The following TNR variants were observed in gnomAD, a reference collection of about 807,000 sequenced individuals.
TNR encodes the protein tenascin R, also known as tenascin-R.
Under a neutral mutation model 150.4 loss-of-function variants are expected in TNR, and 45 were observed. The observed-to-expected ratio is 0.30, with a 90% CI of 0.24 to 0.38. TNR has a LOEUF of 0.38. Among genes scored for constraint, TNR ranks in the 10% least tolerant of loss-of-function variants. The pLI, the probability that TNR is intolerant of heterozygous loss-of-function variation, is 1.00. For synonymous variants in TNR, 687 were observed against 678.4 expected, an observed-to-expected ratio of 1.01 and a Z score of -0.20; for missense variants, 1,544 against 1,759.1, an observed-to-expected ratio of 0.88 and a Z score of 2.19.
Position 175,354,317 on chromosome 1 carries a change from C to T in TNR, c.3382+74G>A, listed in dbSNP as rs1651213966. The T allele has an allele frequency of 3.8e-6, 6 of 1,562,508 alleles. No homozygotes were observed. In the South Asian group the frequency reaches 7.1e-5, roughly 19 times the overall value. ...TTGATAAACTGCTCCCAGAGCAAGT[C>T]TCAGCAGAGGCTGCTGATGAGCCAA... On this transcript the variant is annotated intron_variant, in intron 18 of 22. Coordinates refer to ENST00000367674, the MANE Select transcript of TNR (RefSeq NM_003285.3).
At position 175,327,433 on chromosome 1, in the gene TNR, G is replaced by A. The variant is rs543019235; in HGVS notation, c.3793+2641C>T. ...AGGTCTGATGCAGCAGCCATCAGCC[G>A]CTCTATGTTCTTCGCTCGGACTTAC... is the stretch of plus-strand genomic sequence containing the variant. On this transcript the variant is annotated intron_variant, in intron 21 of 22. Coordinates refer to ENST00000367674, the MANE Select transcript of TNR (RefSeq NM_003285.3). Among the ~76,000 whole-genome samples, 89 of 152,250 alleles carry A rather than the reference G, an allele frequency of 5.8e-4. 1 individual carries two copies. The South Asian group carries it at 6.7e-3, about 11-fold the overall frequency.
chr1:175,386,229 G>C lies in TNR; in HGVS notation c.1580C>G (p.Pro527Arg). Reference protein sequence around the residue: ...DTVAFVEWIPPRAKVDFILLK... With the variant: ...DTVAFVEWIPRRAKVDFILLK... ...AAGAATGAAATCGACTTTGGCTCGA[G>C]GGGGAATCCACTCCACAAAAGCCAC... Residue 527 changes from proline (P) to arginine (R), a missense_variant, in exon 8 of 23, where the codon CCT (proline) becomes CGT (arginine). Transcript: ENST00000367674. The C allele has an allele frequency of 6.2e-7, 1 of 1,607,820 alleles. No homozygotes were observed. Among genetic ancestry groups the C allele is most frequent in the Non-Finnish European group, 8.5e-7 (1 of 1,174,950 alleles).
At position 175,324,473 on chromosome 1, in the gene TNR, A is replaced by G. The variant is rs373148368; in HGVS notation, c.3840T>C (p.Asp1280=). ...YHQGRPFSTE[D]RDNDVAVTNC... ...TAGTCACTGCAACATCATTGTCTCTATCCTCTGTGGAGAAAGGGCGTCCTT... is the reference window on the plus strand; with the variant it reads ...TAGTCACTGCAACATCATTGTCTCTGTCCTCTGTGGAGAAAGGGCGTCCTT... Residue 1280 remains aspartate, a synonymous_variant, in exon 22 of 23, where the codon GAT becomes GAC. Transcript: ENST00000367674. The G allele has an allele frequency of 9.3e-6, 15 of 1,613,946 alleles. No individual in the cohort carries two copies. Among genetic ancestry groups the G allele is most frequent in the Admixed American group, 1.7e-5 (1 of 59,992 alleles).
intron 1 of TNR, among the ~76,000 whole-genome samples, chr1:175,626,323 G>A (rs1664157267): frequency 6.6e-6 from 1 of 152,164 alleles, no homozygotes; most frequent in Non-Finnish European, 1.5e-5. Flanking sequence ...ATCGTGCAAA[G>A]GTCATTAAAA....
At position 175,564,902 on chromosome 1, in the gene TNR, T is replaced by G. The variant is rs567981886; in HGVS notation, c.-164-36533A>C. On this transcript the variant is annotated intron_variant, in intron 1 of 22. Coordinates refer to ENST00000367674, the MANE Select transcript of TNR (RefSeq NM_003285.3). ...TGGCTTCCCTCTTCAGCTTTCTACCTGCACCCTTGCCCTTTCCTTCACCAC... is the reference window on the plus strand; with the variant it reads ...TGGCTTCCCTCTTCAGCTTTCTACCGGCACCCTTGCCCTTTCCTTCACCAC... Among the ~76,000 whole-genome samples, 62 of 152,352 alleles carry G rather than the reference T, an allele frequency of 4.1e-4. No homozygotes were observed. In the South Asian group the frequency reaches 0.013, roughly 31 times the overall value.
At chr1:175,334,656 C>T (rs901978152) in intron 20 of TNR, among the ~76,000 whole-genome samples, 14 of 152,212 alleles carry the variant, frequency 9.2e-5, no homozygotes, top group South Asian at 4.1e-4. Context: ...ACTCAGGGCA[C>T]GAGGACCATT....
At chr1:175,691,526 C>T (rs1282200939) in intron 1 of TNR, among the ~76,000 whole-genome samples, 4 of 152,096 alleles carry the variant, frequency 2.6e-5, no homozygotes, top group Non-Finnish European at 5.9e-5. Context: ...TCTCTCTACC[C>T]ACTGTGTTCC....
intron 20 of TNR, among the ~76,000 whole-genome samples, chr1:175,334,626 C>T (rs777235773): frequency 9.2e-5 from 14 of 152,228 alleles, no homozygotes; most frequent in Non-Finnish European, 1.5e-4. Flanking sequence ...ACTGGGCCTG[C>T]AGCCCCCACC....
At chr1:175,479,129 G>A (rs150607008) in intron 2 of TNR, among the ~76,000 whole-genome samples, 158 of 152,204 alleles carry the variant, frequency 1.0e-3, no homozygotes, top group African/African-American at 3.6e-3. Flanking sequence ...GGTAGTGCTG[G>A]GATTCAAACC....
chr1:175,510,503 A>T (rs1659125978), intron 2 of TNR, among the ~76,000 whole-genome samples: 2 of 152,108 alleles, frequency 1.3e-5, no homozygotes, highest in South Asian at 4.1e-4. Context: ...CACCATCATT[A>T]TTGTTTCCTA....
At chr1:175,658,078 G>A (rs543496439) in intron 1 of TNR, among the ~76,000 whole-genome samples, 4 of 151,720 alleles carry the variant, frequency 2.6e-5, no homozygotes, top group Non-Finnish European at 4.4e-5. Context: ...AGCCCCAGGG[G>A]CCCTCAGCTC....
At chr1:175,435,380 G>A (rs1435854934) in intron 2 of TNR, among the ~76,000 whole-genome samples, 1 of 152,202 alleles carries the variant, frequency 6.6e-6, no homozygotes, top group East Asian at 1.9e-4. Context: ...ATTTTGGTCT[G>A]TGGAAATAGA....
rs150685789 is a variant in TNR, at chr1:175,718,228, T to A, written c.-165+24998A>T. 3.5e-3 allele frequency among the ~76,000 whole-genome samples: 538 copies of A among 152,216 alleles called. 8 individuals are homozygous for A. Among genetic ancestry groups the A allele is most frequent in the African/African-American group, 0.012 (499 of 41,532 alleles). ...GAGCCAAGGGCATCTGCCAAGCAACTCCCCAGAACTCTGCCCCAGTCCTTC... is the reference window on the plus strand; with the variant it reads ...GAGCCAAGGGCATCTGCCAAGCAACACCCCAGAACTCTGCCCCAGTCCTTC... On this transcript the variant is annotated intron_variant, in intron 1 of 22. Coordinates refer to ENST00000367674, the MANE Select transcript of TNR (RefSeq NM_003285.3).
intron 1 of TNR, among the ~76,000 whole-genome samples, chr1:175,570,739 G>A (rs139228014): frequency 6.6e-6 from 1 of 151,132 alleles, no homozygotes; most frequent in South Asian, 2.1e-4. Context: ...CAGCACAAAT[G>A]ACTCCTTTAT....
chr1:175,735,424 C>G (rs1015317593), intron 1 of TNR, among the ~76,000 whole-genome samples: 5 of 152,214 alleles, frequency 3.3e-5, no homozygotes, highest in Non-Finnish European at 5.9e-5. Context: ...GAGGTACTTA[C>G]ACAGGACAAG....
chr1:175,531,296 T>C (rs879202446), intron 1 of TNR, among the ~76,000 whole-genome samples: 1 of 152,146 alleles, frequency 6.6e-6, no homozygotes, highest in Admixed American at 6.5e-5. Context: ...ATTACCTCAC[T>C]AGTAGATCCA....
intron 2 of TNR, among the ~76,000 whole-genome samples, chr1:175,446,966 G>A (rs1435543424): frequency 1.3e-5 from 2 of 151,984 alleles, no homozygotes; most frequent in East Asian, 1.9e-4. Context: ...ATGTGTACGT[G>A]TGTATGTGTA....
intron 2 of TNR, among the ~76,000 whole-genome samples, chr1:175,506,665 T>A (rs770007019): frequency 3.9e-5 from 6 of 152,234 alleles, no homozygotes; most frequent in Non-Finnish European, 8.8e-5. Context: ...AACACTTTGA[T>A]CTTGGACTTC....
chr1:175,542,942 G>A (rs1571583897), intron 1 of TNR, among the ~76,000 whole-genome samples: 1 of 152,256 alleles, frequency 6.6e-6, no homozygotes, highest in African/African-American at 2.4e-5. Flanking sequence ...GCTACTGTTT[G>A]GAACTGTCAG....
Sources: allele counts gnomAD v4.1 joint callset (sites outside exome capture counted in the v4.1 genomes callset), GRCh38; gene constraint gnomAD v4.1.1; transcripts MANE v1.5; gene names NCBI Gene and HGNC (gene_info 2026-07-23, HGNC 2026-07-21).